The following RANBP17 variants were observed in gnomAD, a reference collection of about 807,000 sequenced individuals.
RANBP17 encodes the protein ran-binding protein 17.
A neutral mutation model predicts 141.2 loss-of-function variants in RANBP17; 158 were observed. The ratio of observed to expected loss-of-function variants is 1.12; its 90% CI spans 0.98 to 1.28. RANBP17 has a LOEUF of 1.28. RANBP17 is among the 50% of genes most tolerant of loss of function. The probability of loss-of-function intolerance (pLI) is 0.00; values close to 1 mark genes in which losing one functional copy is unlikely to be tolerated. For synonymous variants in RANBP17, 430 were observed against 450.0 expected (o/e 0.96, Z 0.56); for missense variants, 1,438 against 1,290.7 (o/e 1.11, Z -1.75).
chr5:170,968,107 T>C (rs1409603773), intron 13 of RANBP17, 135 bp from the exon 14 acceptor site: 1 of 607,108 alleles, frequency 1.6e-6, no homozygotes. Context: ...ATTCAAAAAA[T>C]ATTTTCTTTA....
intron 14 of RANBP17, among the ~76,000 whole-genome samples, chr5:171,122,216 C>T (rs1412039938): frequency 6.6e-6 from 1 of 152,204 alleles, no homozygotes; most frequent in Non-Finnish European, 1.5e-5. Context: ...CACTCCCCTG[C>T]TGTACTCTAG....
In RANBP17 at chr5:171,115,645, T is replaced by G. The variant is rs574304491; in HGVS notation, c.1711-54485T>G. Among the ~76,000 whole-genome samples the G allele has an allele frequency of 2.0e-5, 3 of 152,336 alleles. No homozygotes were observed. The South Asian group carries it at 6.2e-4, about 32-fold the overall frequency. ...TTTGCAGCTAGGAATGCTTTGTAGG[T>G]CTGCCTTACTTATATACTTAGTGCA... On this transcript the variant is annotated intron_variant, in intron 14 of 27. Coordinates refer to ENST00000523189, the MANE Select transcript of RANBP17 (RefSeq NM_022897.5).
At chr5:171,161,302 C>A (rs564551745) in intron 14 of RANBP17, 1 of 178,448 alleles carries the variant, frequency 5.6e-6, no homozygotes, top group Non-Finnish European at 1.2e-5. Flanking sequence ...TAAGTAACAA[C>A]CACAAAGATT....
chr5:170,914,265 C>A, intron 8 of RANBP17, 25 bp downstream of exon 8: 1 of 1,464,512 alleles, frequency 6.8e-7, no homozygotes, highest in Non-Finnish European at 9.6e-7. Context: ...TTCGTTATTT[C>A]GTTAAAAAAT....
chr5:170,876,849 A>G (rs1768220602), intron 1 of RANBP17, among the ~76,000 whole-genome samples: 1 of 152,124 alleles, frequency 6.6e-6, no homozygotes, highest in Admixed American at 6.5e-5. Context: ...AGGACAAAAA[A>G]ATTGCATTTT....
At chr5:171,166,323 G>A (rs1759694696) in intron 14 of RANBP17, among the ~76,000 whole-genome samples, 2 of 151,906 alleles carry the variant, frequency 1.3e-5, no homozygotes, top group Non-Finnish European at 2.9e-5. Flanking sequence ...ACACAGATAG[G>A]TTTAGTCTCT....
intron 24 of RANBP17, among the ~76,000 whole-genome samples, chr5:171,264,171 A>G (rs1228370112): frequency 2.0e-5 from 3 of 152,190 alleles, no homozygotes; most frequent in African/African-American, 2.4e-5. Context: ...GTATGTTCCC[A>G]TTGATAAGTG....
intron 14 of RANBP17, among the ~76,000 whole-genome samples, chr5:170,981,560 T>C (rs1446662231): frequency 6.6e-6 from 1 of 151,222 alleles, no homozygotes; most frequent in Non-Finnish European, 1.5e-5. Context: ...GCACAGGCTC[T>C]CATTTTTTTT....
At chr5:171,235,317 T>A (rs1182845992) in intron 22 of RANBP17, among the ~76,000 whole-genome samples, 1 of 147,936 alleles carries the variant, frequency 6.8e-6, no homozygotes, top group Admixed American at 6.8e-5. Flanking sequence ...AGTTTTTGCA[T>A]GTGTCTTTTT....
intron 14 of RANBP17, among the ~76,000 whole-genome samples, chr5:171,080,323 G>A (rs904614110): frequency 3.9e-5 from 6 of 151,906 alleles, no homozygotes; most frequent in Non-Finnish European, 7.4e-5. Flanking sequence ...GGAAATGACA[G>A]TGTAAATGCC....
At chr5:171,050,400 C>T (rs1782880073) in intron 14 of RANBP17, among the ~76,000 whole-genome samples, 1 of 152,112 alleles carries the variant, frequency 6.6e-6, no homozygotes, top group South Asian at 2.1e-4. Flanking sequence ...ACATTGAAAA[C>T]CTACCAGATA....
intron 14 of RANBP17, among the ~76,000 whole-genome samples, chr5:171,101,163 T>A (rs1396679075): frequency 6.6e-6 from 1 of 152,184 alleles, no homozygotes; most frequent in Non-Finnish European, 1.5e-5. Context: ...CTTGCTAATT[T>A]TCTGTCTCGA....
Position 170,993,680 on chromosome 5 carries a change from T to C in RANBP17, c.1710+25303T>C, listed in dbSNP as rs182460384. Among the ~76,000 whole-genome samples the C allele has an allele frequency of 5.9e-5, 9 of 152,192 alleles. No homozygotes were observed. In the East Asian group the frequency reaches 1.7e-3, roughly 29 times the overall value. On this transcript the variant is annotated intron_variant, in intron 14 of 27. Coordinates refer to ENST00000523189, the MANE Select transcript of RANBP17 (RefSeq NM_022897.5). ...CTGACATGTAAGTGCTTAATAAATA[T>C]TAACTGTTGTAATGATGATGATAAT...
chr5:171,138,229 T>C (rs1001968870), intron 14 of RANBP17, among the ~76,000 whole-genome samples: 34 of 152,130 alleles, frequency 2.2e-4, no homozygotes, highest in Non-Finnish European at 3.5e-4. Context: ...CTGGGAAAAC[T>C]GCAAGCTTAT....
At chr5:171,164,434 C>T (rs957944836) in intron 14 of RANBP17, among the ~76,000 whole-genome samples, 8 of 152,092 alleles carry the variant, frequency 5.3e-5, no homozygotes, top group Non-Finnish European at 1.0e-4. Context: ...GTTTTTCTTA[C>T]CTAGTTCCCT....
intron 14 of RANBP17, among the ~76,000 whole-genome samples, chr5:171,089,882 C>G (rs531512906): frequency 6.6e-6 from 1 of 152,306 alleles, no homozygotes; most frequent in Admixed American, 6.5e-5. Flanking sequence ...GAGATGCACC[C>G]GGTACCTCAG....
At chr5:171,174,963 C>A (rs532730462) in intron 16 of RANBP17, among the ~76,000 whole-genome samples, 11 of 152,084 alleles carry the variant, frequency 7.2e-5, no homozygotes, top group African/African-American at 2.7e-4. Flanking sequence ...CCTTCACCCC[C>A]CTACAGGCCC....
chr5:171,209,111 G>A (rs984673749), intron 20 of RANBP17, among the ~76,000 whole-genome samples: 8 of 152,180 alleles, frequency 5.3e-5, no homozygotes, highest in Admixed American at 2.6e-4. Flanking sequence ...CATTTAGCTG[G>A]GGAATCAGGA....
intron 14 of RANBP17, among the ~76,000 whole-genome samples, chr5:171,056,029 A>C (rs766682003): frequency 1.2e-4 from 19 of 152,178 alleles, no homozygotes; most frequent in Admixed American, 3.9e-4. Context: ...AATTTTGTTT[A>C]CAGGAAAATA....
Sources: allele counts gnomAD v4.1 joint callset (sites outside exome capture counted in the v4.1 genomes callset), GRCh38; gene constraint gnomAD v4.1.1; transcripts MANE v1.5; gene names NCBI Gene and HGNC (gene_info 2026-07-23, HGNC 2026-07-21).